The following MYOF variants were observed in gnomAD, a reference collection of about 807,000 sequenced individuals.
MYOF encodes the protein fer-1-like 3, myoferlin.
In MYOF, 244 loss-of-function variants were observed where a neutral mutation model predicts 284.2. That is an observed-to-expected ratio of 0.86 (90% CI 0.77 to 0.95). The LOEUF (loss-of-function observed/expected upper bound fraction) is 0.95, where lower values mean the gene tolerates loss of function less well. Among genes scored for constraint, MYOF ranks in the 40% least tolerant of loss-of-function variants. The pLI is 0.00. For synonymous variants in MYOF, 904 were observed against 919.7 expected (o/e 0.98, Z 0.31); for missense variants, 2,496 against 2,560.6 (o/e 0.97, Z 0.54).
chr10:93,474,081 T>C (rs1278448991), intron 1 of MYOF, among the ~76,000 whole-genome samples: 3 of 152,172 alleles, frequency 2.0e-5, no homozygotes, highest in Admixed American at 2.0e-4. Flanking sequence ...TGGCCAAATT[T>C]GCCTGTCCAG....
Position 93,319,981 on chromosome 10 carries a change from T to C in MYOF, c.5489A>G (p.Lys1830Arg). The C allele has an allele frequency of 6.2e-7, 1 of 1,614,210 alleles. No individual in the cohort carries two copies. Among genetic ancestry groups the C allele is most frequent in the Non-Finnish European group, 8.5e-7 (1 of 1,180,016 alleles). Residue 1830 changes from lysine to arginine, a missense_variant, in exon 49 of 54, where the codon AAA becomes AGA. Physicochemically the swap from Lys to Arg is conservative, Grantham distance 26. Around this residue, in one of 3 missense-constraint regions of MYOF, gnomAD observed 2,436 missense variants for 2,480.7 expected, o/e 0.98. Coordinates refer to ENST00000359263, the MANE Select transcript of MYOF (RefSeq NM_013451.4). ...CAAAGATCTGTAATGGACATCTGTTTTCTGTTTGTTTTCTTCATTGCCAGG... is the reference window on the plus strand; with the variant it reads ...CAAAGATCTGTAATGGACATCTGTTCTCTGTTTGTTTTCTTCATTGCCAGG... ...WIPGNEENKQ[K>R]TDVHYRSLDG...
At chr10:93,361,578 A>G (rs962376501) in intron 27 of MYOF, 21 bp from the exon 28 acceptor site, 2 of 1,613,368 alleles carry the variant, frequency 1.2e-6, no homozygotes, top group African/African-American at 2.7e-5. Flanking sequence ...AAAAATAAAA[A>G]CAAAGAAGAG....
chr10:93,309,999 G>T, intron 53 of MYOF, 21 bp downstream of exon 53: 1 of 1,613,730 alleles, frequency 6.2e-7, no homozygotes, highest in Non-Finnish European at 8.5e-7. Flanking sequence ...CCAAGACAAG[G>T]GGCCAAGGAA....
rs532683477 is a variant in MYOF at position 93,425,130 on chromosome 10, A to T, written c.433+941T>A. On this transcript the variant is annotated intron_variant, in intron 5 of 53. Transcript: ENST00000359263. ...ATTTTTTTGAATTCTTATTAGAGACAAGGTTTCACCATGTTGGCCAGGCTG... is the reference window on the plus strand; with the variant it reads ...ATTTTTTTGAATTCTTATTAGAGACTAGGTTTCACCATGTTGGCCAGGCTG... 7.2e-5 allele frequency among the ~76,000 whole-genome samples: 11 copies of T among 151,790 alleles called. No individual in the cohort carries two copies. The East Asian group carries it at 2.1e-3, about 30-fold the overall frequency.
intron 15 of MYOF, 184 bp downstream of exon 15, chr10:93,397,063 G>T: frequency 2.0e-6 from 1 of 488,678 alleles, no homozygotes; most frequent in African/African-American, 2.0e-5. Context: ...CGAAATAATC[G>T]AAGCTTTTTT....
Position 93,374,773 on chromosome 10 carries a change from A to G in MYOF, c.2291T>C (p.Leu764Pro). Residue 764 changes from leucine to proline, a missense_variant, in exon 23 of 54, where the codon CTG becomes CCG. Around this residue, in one of 3 missense-constraint regions of MYOF, gnomAD observed 2,436 missense variants for 2,480.7 expected, o/e 0.98. Transcript: ENST00000359263. ...GTTTAAAAGTCCTACCTCTTCAGTC[A>G]GCTGCATTAATTTATCAAGCCAGTC... ...IEDWLDKLMQ[L>P]TEEPQNSMPD... 1 of 1,613,720 alleles carries G rather than the reference A, an allele frequency of 6.2e-7. No homozygotes were observed. The highest frequency in any genetic ancestry group is 8.5e-7 in the Non-Finnish European group (1 of 1,179,864).
At chr10:93,449,739 C>A (rs1268451910) in intron 3 of MYOF, among the ~76,000 whole-genome samples, 6 of 152,120 alleles carry the variant, frequency 3.9e-5, no homozygotes, top group African/African-American at 1.4e-4. Flanking sequence ...GATCCTTCCA[C>A]CTCAGCCTCC....
chr10:93,415,826 T>C (rs1472411336), intron 5 of MYOF, among the ~76,000 whole-genome samples: 1 of 152,186 alleles, frequency 6.6e-6, no homozygotes, highest in Non-Finnish European at 1.5e-5. Flanking sequence ...CCCATCAAAA[T>C]ATAAACACGC....
At chr10:93,414,280 T>C (rs1474667287) in intron 5 of MYOF, among the ~76,000 whole-genome samples, 6 of 152,066 alleles carry the variant, frequency 3.9e-5, no homozygotes, top group Non-Finnish European at 5.9e-5. Context: ...CTCACACCTG[T>C]AAACCCAGCA....
chr10:93,355,828 G>A, intron 30 of MYOF, 92 bp from the exon 31 acceptor site: 1 of 857,224 alleles, frequency 1.2e-6, no homozygotes, highest in Non-Finnish European at 1.9e-6. Flanking sequence ...ATAACAAATG[G>A]AATTCTAGCT....
intron 3 of MYOF, among the ~76,000 whole-genome samples, chr10:93,447,822 T>C (rs1205599384): frequency 6.6e-6 from 1 of 152,128 alleles, no homozygotes; most frequent in African/African-American, 2.4e-5. Context: ...ATCACTGCTG[T>C]CATCTGAGGG....
chr10:93,385,843 C>A (rs1430986354), intron 19 of MYOF, among the ~76,000 whole-genome samples: 1 of 142,876 alleles, frequency 7.0e-6, no homozygotes, highest in Non-Finnish European at 1.5e-5. Flanking sequence ...ATATTGTTGA[C>A]TTTTTTTTTT....
At chr10:93,431,031 T>TG (rs1297603874) in intron 4 of MYOF, among the ~76,000 whole-genome samples, 1 of 150,188 alleles carries the variant, frequency 6.7e-6, no homozygotes, top group Non-Finnish European at 1.5e-5. Context: ...TTTCTTTTTT[T>TG]TTTTTTTTTT....
At chr10:93,422,296 C>T (rs1003519068) in intron 5 of MYOF, among the ~76,000 whole-genome samples, 3 of 152,184 alleles carry the variant, frequency 2.0e-5, no homozygotes, top group African/African-American at 4.8e-5. Context: ...GTCAGGGATT[C>T]TAAAGAACTT....
At chr10:93,327,316 C>T (rs1843095321) in intron 45 of MYOF, among the ~76,000 whole-genome samples, 1 of 152,078 alleles carries the variant, frequency 6.6e-6, no homozygotes, top group Non-Finnish European at 1.5e-5. Context: ...TGACTGCAAC[C>T]ACAGGAGATG....
intron 38 of MYOF, among the ~76,000 whole-genome samples, chr10:93,343,544 G>C (rs185466824): frequency 6.6e-6 from 1 of 152,326 alleles, no homozygotes; most frequent in East Asian, 1.9e-4. Context: ...AAAATCATTT[G>C]AGGAGATTTA....
At chr10:93,366,703 T>G (rs1048970811) in intron 25 of MYOF, 148 bp from the exon 26 acceptor site, 1 of 639,208 alleles carries the variant, frequency 1.6e-6, no homozygotes. Context: ...TGGACCTAAC[T>G]TGAGCTATTA....
Position 93,310,041 on chromosome 10 carries a change from G to C in MYOF, c.6126C>G (p.Ala2042=), listed in dbSNP as rs747850850. ...LFLLILLLFV[A]VLLYSLPNYL... ...CTACCGGCAAAGAGTAGAGGAGCAC[G>C]GCCACGAAGAGCAGCAGGATAAGCA... Residue 2042 remains alanine, a synonymous_variant, in exon 53 of 54, where the codon GCC becomes GCG. Coordinates refer to ENST00000359263, the MANE Select transcript of MYOF (RefSeq NM_013451.4). The C allele has an allele frequency of 2.5e-6, 4 of 1,613,930 alleles. No homozygotes were observed. The highest frequency in any genetic ancestry group is 3.4e-6 in the Non-Finnish European group (4 of 1,180,026).
At chr10:93,462,009 C>A (rs1448750752) in intron 1 of MYOF, among the ~76,000 whole-genome samples, 1 of 152,124 alleles carries the variant, frequency 6.6e-6, no homozygotes, top group Non-Finnish European at 1.5e-5. Flanking sequence ...TCCTGCAGCT[C>A]CTGGCACTCA....
Sources: allele counts gnomAD v4.1 joint callset (sites outside exome capture counted in the v4.1 genomes callset), GRCh38; gene constraint gnomAD v4.1.1; regional missense constraint gnomAD v4.1.1; transcripts MANE v1.5; gene names NCBI Gene and HGNC (gene_info 2026-07-23, HGNC 2026-07-21).